The following CASD1 variants were observed in gnomAD, a reference collection of about 807,000 sequenced individuals.
CASD1 encodes CAS1 domain sialic acid O acetyltransferase 1, also known as N-acetylneuraminate (7)9-O-acetyltransferase.
A neutral mutation model predicts 100.0 loss-of-function variants in CASD1; 41 were observed. The ratio of observed to expected loss-of-function variants is 0.41; its 90% CI spans 0.32 to 0.53. The LOEUF (loss-of-function observed/expected upper bound fraction) is 0.53. Among genes scored for constraint, CASD1 ranks in the 20% least tolerant of loss-of-function variants. The pLI, the probability that CASD1 is intolerant of heterozygous loss-of-function variation, is 0.25. For synonymous variants in CASD1, 321 were observed against 315.6 expected (o/e 1.02, Z -0.18); for missense variants, 774 against 948.7 (o/e 0.82, Z 2.42).
intron 3 of CASD1, among the ~76,000 whole-genome samples, chr7:94,519,482 T>C (rs185521711): frequency 1.2e-3 from 182 of 152,314 alleles, no homozygotes; most frequent in African/African-American, 3.9e-3. Context: ...CCTAAATCTT[T>C]AGCAACTATT....
chr7:94,549,484 A>T, intron 13 of CASD1, 49 bp from the exon 14 acceptor site: 1 of 1,322,694 alleles, frequency 7.6e-7, no homozygotes, highest in Non-Finnish European at 1.1e-6. Flanking sequence ...TTGCAAAGCA[A>T]ATATTGACTT....
intron 8 of CASD1, 52 bp downstream of exon 8, chr7:94,535,575 T>G: frequency 7.7e-7 from 1 of 1,302,884 alleles, no homozygotes; most frequent in South Asian, 1.2e-5. Flanking sequence ...ATCAATTGCT[T>G]TAAGCCATAA....
At chr7:94,544,351 T>G (rs940872687) in intron 10 of CASD1, 60 bp from the exon 11 acceptor site, 2 of 1,589,364 alleles carry the variant, frequency 1.3e-6, no homozygotes, top group African/African-American at 2.7e-5. Flanking sequence ...GTACTTGTTA[T>G]GATAATCCAA....
chr7:94,628,509 A>G, the CASD1 span: 1 of 606,960 alleles, frequency 1.6e-6, no homozygotes, highest in Non-Finnish European at 2.9e-6. Flanking sequence ...GGGAATTTAA[A>G]TTAGGGCACC....
the CASD1 span, chr7:94,628,024 A>G: frequency 1.8e-6 from 1 of 558,876 alleles, no homozygotes; most frequent in South Asian, 2.5e-5. Flanking sequence ...AAAACTTTAT[A>G]AACAGAGAAG....
chr7:94,600,585 A>G, the CASD1 span: 1 of 1,261,584 alleles, frequency 7.9e-7, no homozygotes, highest in East Asian at 2.3e-5. Flanking sequence ...TTTTAATGGA[A>G]TCTTCTATGT....
chr7:94,599,477 G>T, the CASD1 span: 1 of 539,124 alleles, frequency 1.9e-6, no homozygotes. Context: ...AATATTTTAG[G>T]TTTAATTTTT....
the CASD1 span, chr7:94,603,553 T>C: frequency 1.9e-6 from 2 of 1,068,088 alleles, no homozygotes; most frequent in Non-Finnish European, 2.8e-6. Flanking sequence ...AATTGAGAGA[T>C]TAACTAGACT....
At chr7:94,602,549 A>G in the CASD1 span, among the ~76,000 whole-genome samples, 27 of 152,274 alleles carry the variant, frequency 1.8e-4, no homozygotes, top group Admixed American at 1.5e-3. Context: ...AGATCACTAA[A>G]TAATTAAAAC....
downstream of CASD1, among the ~76,000 whole-genome samples, chr7:94,559,276 C>CTGTGTGTGTGTGTG (rs377655712): frequency 3.5e-3 from 485 of 137,586 alleles, 2 homozygotes; most frequent in African/African-American, 0.011. Context: ...GTATATATGT[C>CTGTGTGTGTGTGTG]TGTGTGTGTG....
the CASD1 span, among the ~76,000 whole-genome samples, chr7:94,586,060 TGAAA>T: frequency 1.7e-4 from 1 of 5,940 alleles, no homozygotes; most frequent in African/African-American, 1.1e-3. Context: ...AGGAACTAAA[TGAAA>T]AAAAAAAAAA....
the CASD1 span, among the ~76,000 whole-genome samples, chr7:94,607,585 C>CA: frequency 6.6e-6 from 1 of 151,896 alleles, no homozygotes. Flanking sequence ...ATGCATTTGA[C>CA]AAAATCCAAT....
the CASD1 span, chr7:94,588,983 C>T: frequency 4.0e-6 from 2 of 501,638 alleles, no homozygotes; most frequent in Non-Finnish European, 7.2e-6. Flanking sequence ...TCACAACAAC[C>T]CTAAGAGGTA....
intron 3 of CASD1, among the ~76,000 whole-genome samples, chr7:94,520,985 G>A (rs939394267): frequency 2.6e-5 from 4 of 152,064 alleles, no homozygotes; most frequent in Non-Finnish European, 5.9e-5. Flanking sequence ...CTAGCTACTC[G>A]GGAGGCTGAG....
chr7:94,579,598 A>G, the CASD1 span, among the ~76,000 whole-genome samples: 2 of 152,200 alleles, frequency 1.3e-5, no homozygotes, highest in Admixed American at 1.3e-4. Flanking sequence ...CCTGATCGTT[A>G]GATTCTGGCA....
chr7:94,589,496 G>A, the CASD1 span: 1 of 152,370 alleles, frequency 6.6e-6, no homozygotes, highest in African/African-American at 2.4e-5. Flanking sequence ...CTAAGACAGG[G>A]GTCCCCAACC....
rs147563384 is a variant in CASD1, at chr7:94,536,555, A to G, written c.844-917A>G. On this transcript the variant is annotated intron_variant, in intron 8 of 17. Transcript: ENST00000297273. ...CATGTACATATGGTTCTCCATATAC[A>G]TAAAAGGGCTTGATGAACCCCCTAA... is the stretch of plus-strand genomic sequence containing the variant. Among the ~76,000 whole-genome samples the G allele has an allele frequency of 5.6e-3, 856 of 152,324 alleles. 2 individuals are homozygous for G. Among genetic ancestry groups the G allele is most frequent in the Non-Finnish European group, 7.4e-3 (504 of 68,030 alleles).
intron 1 of CASD1, among the ~76,000 whole-genome samples, chr7:94,510,613 C>A (rs1793652613): frequency 6.6e-6 from 1 of 152,246 alleles, no homozygotes; most frequent in Non-Finnish European, 1.5e-5. Flanking sequence ...GCATGAAGCC[C>A]AAGGCCGCCC....
the CASD1 span, among the ~76,000 whole-genome samples, chr7:94,606,664 T>C: frequency 6.6e-6 from 1 of 152,186 alleles, no homozygotes; most frequent in Non-Finnish European, 1.5e-5. Flanking sequence ...CATCCAAAAA[T>C]AGAATACACA....
Sources: gnomAD v4.1 joint callset for allele counts (sites outside exome capture counted in the v4.1 genomes callset) on GRCh38, gnomAD v4.1.1 for gene constraint, MANE v1.5 for transcripts, NCBI Gene and HGNC (gene_info 2026-07-23, HGNC 2026-07-21) for gene names.